Variants in THSD4 observed in about 807,000 individuals in gnomAD.
THSD4 encodes the protein thrombospondin type 1 domain containing 4, also known as thrombospondin type-1 domain-containing protein 4.
A neutral mutation model predicts 119.0 loss-of-function variants in THSD4; 69 were observed. That is an observed-to-expected ratio of 0.58 (90% confidence interval 0.48 to 0.71). The LOEUF is 0.71. THSD4 is among the 30% of genes least tolerant of loss of function. The pLI is 0.00. For synonymous variants in THSD4, 524 were observed against 540.4 expected (o/e 0.97, Z 0.42); for missense variants, 1,393 against 1,391.1 (o/e 1.00, Z -0.02).
rs1295854511 is a variant in THSD4, at chr15:71,780,911, C to T, written c.*3537C>T. ...CATCAAGTTATGTGGCAGAGAAATC[C>T]AGATATTACCAGGACCTGTCTAAAC... On this transcript the variant is annotated 3_prime_UTR_variant, in exon 18 of 18. Transcript: ENST00000261862. The T allele has an allele frequency of 2.4e-6, 1 of 416,694 alleles. No homozygotes were observed. The allele number at this position is 416,694 out of a possible 1,614,324, so 25.8% of individuals were successfully genotyped here.
Position 71,713,481 on chromosome 15 carries a change from G to T in THSD4, c.1358-15068G>T, listed in dbSNP as rs192156012. ...GGTTCTGAAAAAGAGATATAGTGGG[G>T]TTTACACAATCTTACAGCATCTTAC... On this transcript the variant is annotated intron_variant, in intron 8 of 17. Coordinates refer to ENST00000261862, the MANE Select transcript of THSD4 (RefSeq NM_024817.3). 7.3e-4 allele frequency among the ~76,000 whole-genome samples: 111 copies of T among 152,274 alleles called. 1 individual carries two copies. Among genetic ancestry groups the T allele is most frequent in the African/African-American group, 2.5e-3 (105 of 41,548 alleles).
At chr15:71,606,151 TGAA>T (rs2050105543) in intron 7 of THSD4, among the ~76,000 whole-genome samples, 1 of 152,370 alleles carries the variant, frequency 6.6e-6, no homozygotes, top group East Asian at 1.9e-4. Context: ...TCTGGGTAGT[TGAA>T]GAGAAAATAC....
intron 7 of THSD4, among the ~76,000 whole-genome samples, chr15:71,495,979 A>G (rs1318123805): frequency 3.9e-5 from 6 of 152,192 alleles, no homozygotes; most frequent in Non-Finnish European, 7.3e-5. Context: ...GTCACAGTTC[A>G]TGCCAATCTC....
chr15:71,629,005 A>C (rs2050563015), intron 7 of THSD4, among the ~76,000 whole-genome samples: 1 of 152,150 alleles, frequency 6.6e-6, no homozygotes, highest in Non-Finnish European at 1.5e-5. Context: ...CAGTTTTATA[A>C]TCTAGTGGTG....
At chr15:71,774,751 T>A (rs1196110640) in intron 17 of THSD4, among the ~76,000 whole-genome samples, 1 of 150,588 alleles carries the variant, frequency 6.6e-6, no homozygotes, top group African/African-American at 2.5e-5. Flanking sequence ...CACCTCAGCC[T>A]GAGCAACACA....
At chr15:71,363,368 T>C (rs1356427886) in intron 6 of THSD4, among the ~76,000 whole-genome samples, 1 of 152,214 alleles carries the variant, frequency 6.6e-6, no homozygotes, top group Non-Finnish European at 1.5e-5. Flanking sequence ...TTATATTCCC[T>C]TTTTGCTTTC....
intron 3 of THSD4, among the ~76,000 whole-genome samples, chr15:71,158,880 C>A (rs1485647188): frequency 6.6e-6 from 1 of 152,106 alleles, no homozygotes; most frequent in African/African-American, 2.4e-5. Flanking sequence ...CTTTTGAGAT[C>A]TTATTTCTAA....
chr15:71,483,681 C>G (rs1194426811), intron 7 of THSD4, among the ~76,000 whole-genome samples: 1 of 151,958 alleles, frequency 6.6e-6, no homozygotes, highest in African/African-American at 2.4e-5. Context: ...TTTGCTGCAC[C>G]TGTCAACCCA....
At chr15:71,103,167 A>G (rs1053470022) in intron 1 of THSD4, among the ~76,000 whole-genome samples, 3 of 150,578 alleles carry the variant, frequency 2.0e-5, no homozygotes, top group Non-Finnish European at 3.0e-5. Flanking sequence ...TTTTTGAAGC[A>G]GGAAATGAAA....
At chr15:71,353,543 A>T (rs2045770933) in intron 6 of THSD4, among the ~76,000 whole-genome samples, 1 of 152,238 alleles carries the variant, frequency 6.6e-6, no homozygotes, top group African/African-American at 2.4e-5. Flanking sequence ...CCTGACCCAG[A>T]AGGAGTCATT....
chr15:71,559,154 G>A (rs1277680534), intron 7 of THSD4, among the ~76,000 whole-genome samples: 1 of 152,172 alleles, frequency 6.6e-6, no homozygotes, highest in Non-Finnish European at 1.5e-5. Flanking sequence ...AGTATTCGAA[G>A]AAGACATGTT....
chr15:71,429,648 G>A (rs1215795531), intron 7 of THSD4, among the ~76,000 whole-genome samples: 1 of 152,162 alleles, frequency 6.6e-6, no homozygotes, highest in Admixed American at 6.5e-5. Context: ...CCATGAGGTT[G>A]CTTCTTTAGC....
Position 71,192,069 on chromosome 15 carries a change from AT to A in THSD4, c.100-22960del, listed in dbSNP as rs759795341. Among the ~76,000 whole-genome samples, 207 of 151,400 alleles carry A rather than the reference AT, an allele frequency of 1.4e-3. 1 individual carries two copies. Among genetic ancestry groups the A allele is most frequent in the Admixed American group, 2.5e-3 (38 of 15,200 alleles). ...AGGTGCCCACCACTATGCCCAGCTA[AT>A]TTTTTGTATTTTTAGTAGAGACGGG... On this transcript the variant is annotated intron_variant, in intron 3 of 17. Coordinates refer to ENST00000261862, the MANE Select transcript of THSD4 (RefSeq NM_024817.3).
At chr15:71,338,185 T>C (rs2045512746) in intron 6 of THSD4, among the ~76,000 whole-genome samples, 1 of 152,182 alleles carries the variant, frequency 6.6e-6, no homozygotes, top group African/African-American at 2.4e-5. Flanking sequence ...GTTTCCCTAA[T>C]TAGCTGTGTG....
intron 6 of THSD4, among the ~76,000 whole-genome samples, chr15:71,373,830 G>A (rs986152993): frequency 3.9e-5 from 6 of 152,214 alleles, no homozygotes; most frequent in African/African-American, 1.4e-4. Context: ...TGTTCCCGTT[G>A]AGAGTGAGTG....
chr15:71,672,124 A>G (rs2051544296), intron 8 of THSD4, among the ~76,000 whole-genome samples: 1 of 152,146 alleles, frequency 6.6e-6, no homozygotes, highest in Non-Finnish European at 1.5e-5. Flanking sequence ...TGAGCATGGA[A>G]TGTTTTTCCA....
Position 71,479,750 on chromosome 15 carries a change from G to A in THSD4, c.1152+67927G>A, listed in dbSNP as rs539628907. ...GGTTTGAAAAAAAACTGTGTTTCCT[G>A]TTGAAGGCCAGTGATACCTGGCAGC... On this transcript the variant is annotated intron_variant, in intron 7 of 17. Coordinates refer to ENST00000261862, the MANE Select transcript of THSD4 (RefSeq NM_024817.3). Among the ~76,000 whole-genome samples the A allele has an allele frequency of 1.1e-3, 171 of 152,288 alleles. 1 individual carries two copies. Among genetic ancestry groups the A allele is most frequent in the African/African-American group, 4.0e-3 (165 of 41,564 alleles).
At chr15:71,649,399 C>G (rs2051038738) in intron 7 of THSD4, among the ~76,000 whole-genome samples, 1 of 152,096 alleles carries the variant, frequency 6.6e-6, no homozygotes, top group African/African-American at 2.4e-5. Flanking sequence ...TCCAGCCTCT[C>G]GAGTAGCTGG....
At chr15:71,661,983 A>G (rs1002441303) in intron 8 of THSD4, among the ~76,000 whole-genome samples, 2 of 152,160 alleles carry the variant, frequency 1.3e-5, no homozygotes, top group South Asian at 4.1e-4. Flanking sequence ...CAAGCTCACC[A>G]TACCATAACG....
Sources: gnomAD v4.1 joint callset for allele counts (sites outside exome capture counted in the v4.1 genomes callset) on GRCh38, gnomAD v4.1.1 for gene constraint, MANE v1.5 for transcripts, NCBI Gene and HGNC (gene_info 2026-07-23, HGNC 2026-07-21) for gene names.